The following VAV2 variants were observed in gnomAD, a reference collection of about 807,000 sequenced individuals.
VAV2 encodes the protein guanine nucleotide exchange factor VAV2.
A neutral mutation model predicts 132.5 loss-of-function variants in VAV2; 67 were observed. The ratio of observed to expected loss-of-function variants is 0.51; its 90% CI spans 0.42 to 0.62. VAV2 has a LOEUF of 0.62. Among genes scored for constraint, VAV2 ranks in the 20% least tolerant of loss-of-function variants. The probability of loss-of-function intolerance (pLI) is 0.00; values close to 1 mark genes in which losing one functional copy is unlikely to be tolerated. For synonymous variants in VAV2, 492 were observed against 443.5 expected (o/e 1.11, Z -1.37); for missense variants, 938 against 1,153.6 (o/e 0.81, Z 2.71).
chr9:133,784,517 G>C, intron 17 of VAV2, 99 bp from the exon 18 acceptor site: 2 of 1,333,948 alleles, frequency 1.5e-6, no homozygotes, highest in Non-Finnish European at 1.1e-6. Context: ...GACCCAGGCT[G>C]TGCAGAATCC....
In VAV2 at chr9:133,788,233, C is replaced by A; in HGVS notation, c.1407+121G>T. The A allele has an allele frequency of 1.5e-4, 80 of 538,000 alleles. No homozygotes were observed. Among genetic ancestry groups the A allele is most frequent in the Non-Finnish European group, 2.0e-4 (63 of 309,790 alleles). 33.3% of individuals were successfully genotyped at this position (538,000 alleles called of 1,614,324 possible). On this transcript the variant is annotated intron_variant, in intron 15 of 29. Coordinates refer to ENST00000371850, the MANE Select transcript of VAV2 (RefSeq NM_001134398.2). The surrounding 1 kb of genome is among the most constrained non-coding windows in gnomAD (Gnocchi z 5.3). ...TGCAGAGCGGAGACGCCCACCCCAA[C>A]CCACCCGGCCAGCATCAGCGGCTGA...
chr9:133,871,534 G>C (rs560508840), intron 2 of VAV2, among the ~76,000 whole-genome samples: 1 of 151,766 alleles, frequency 6.6e-6, no homozygotes, highest in Non-Finnish European at 1.5e-5. Flanking sequence ...GATGGATGCC[G>C]ACTCAGAGAG....
At chr9:133,807,139 G>T in intron 8 of VAV2, 119 bp downstream of exon 8, 1 of 1,197,174 alleles carries the variant, frequency 8.4e-7, no homozygotes, top group Non-Finnish European at 1.1e-6. Flanking sequence ...GCCAGCACGA[G>T]CCACCACGGA....
At position 133,837,889 on chromosome 9, in the gene VAV2, G is replaced by A. The variant is rs563312420; in HGVS notation, c.381-3549C>T. ...AGTCCAAAGAATTATACTGCTGCCC[G>A]TAAAATCTTTACTACTTTTATTCTA... is the stretch of plus-strand genomic sequence containing the variant. On this transcript the variant is annotated intron_variant, in intron 3 of 29. Coordinates refer to ENST00000371850, the MANE Select transcript of VAV2 (RefSeq NM_001134398.2). Among the ~76,000 whole-genome samples, 11 of 152,078 alleles carry A rather than the reference G, an allele frequency of 7.2e-5. 1 individual carries two copies. Among genetic ancestry groups the A allele is most frequent in the Middle Eastern group, 6.8e-3 (2 of 294 alleles).
At chr9:133,783,337 G>T (rs139424900) in intron 19 of VAV2, among the ~76,000 whole-genome samples, 166 bp downstream of exon 19, 1 of 152,132 alleles carries the variant, frequency 6.6e-6, no homozygotes, top group African/African-American at 2.4e-5. Flanking sequence ...AGTGTGTGAC[G>T]TGCGGCAGGC....
intron 10 of VAV2, 46 bp from the exon 11 acceptor site, chr9:133,796,570 C>T: frequency 6.4e-7 from 1 of 1,564,050 alleles, no homozygotes; most frequent in Non-Finnish European, 8.7e-7. Context: ...CGAGGAAAGC[C>T]TGAACCCACC....
rs577458545 is a variant in VAV2 at position 133,884,441 on chromosome 9, C to T, written c.322-23009G>A. Among the ~76,000 whole-genome samples the T allele has an allele frequency of 1.7e-4, 26 of 152,264 alleles. No homozygotes were observed. Among genetic ancestry groups the T allele is most frequent in the African/African-American group, 6.0e-4 (25 of 41,552 alleles). On this transcript the variant is annotated intron_variant, in intron 2 of 29. Coordinates refer to ENST00000371850, the MANE Select transcript of VAV2 (RefSeq NM_001134398.2). This position sits in a 1 kb window ranked among gnomAD's most constrained non-coding sequence, Gnocchi z 5.3. ...GCTGCCCTTCTCAACGCCCGCCACA[C>T]TTTGTCAATTAATTAGGGAGGGGGG...
chr9:133,839,560 C>G (rs1307663220), intron 3 of VAV2, among the ~76,000 whole-genome samples: 2 of 151,938 alleles, frequency 1.3e-5, no homozygotes, highest in Non-Finnish European at 2.9e-5. Context: ...AAGTGATTCC[C>G]CTGTCTCAGC....
chr9:133,942,440 G>A (rs1841199616), intron 1 of VAV2, among the ~76,000 whole-genome samples: 1 of 152,288 alleles, frequency 6.6e-6, no homozygotes, highest in African/African-American at 2.4e-5. Context: ...CACGGTCGAT[G>A]GTGCTTGGTT....
intron 23 of VAV2, among the ~76,000 whole-genome samples, chr9:133,776,757 C>T (rs535861481): frequency 2.6e-5 from 4 of 152,080 alleles, no homozygotes; most frequent in East Asian, 1.9e-4. Context: ...CACAGGCGGA[C>T]GGGACTGGGG....
Position 133,936,779 on chromosome 9 carries a change from C to T in VAV2, c.321+2324G>A, listed in dbSNP as rs906169247. On this transcript the variant is annotated intron_variant, in intron 2 of 29. Transcript: ENST00000371850. Reference sequence around the variant, plus strand: ...CACACCATGACTCATGGTCCAAACCCGCCGTCTACTCCCAGCTCCCCATGA... The same window carrying T: ...CACACCATGACTCATGGTCCAAACCTGCCGTCTACTCCCAGCTCCCCATGA... Among the ~76,000 whole-genome samples, 30 of 152,258 alleles carry T rather than the reference C, an allele frequency of 2.0e-4. 2 individuals are homozygous for T. The East Asian group carries it at 5.8e-3, about 29-fold the overall frequency.
intron 2 of VAV2, among the ~76,000 whole-genome samples, chr9:133,893,557 T>C (rs539208622): frequency 6.6e-5 from 10 of 152,280 alleles, no homozygotes; most frequent in Admixed American, 3.3e-4. Flanking sequence ...GGAGCCAAGA[T>C]GGCCGACACC....
Position 133,826,140 on chromosome 9 carries a change from T to C in VAV2, c.449+8132A>G, listed in dbSNP as rs576353878. ...AAAATTGTGGATTCCTCAAGCTCAG[T>C]GGGATTCACAGACCATCTGGGCAGA... On this transcript the variant is annotated intron_variant, in intron 4 of 29. Transcript: ENST00000371850. The surrounding 1 kb of genome is among the most constrained non-coding windows in gnomAD (Gnocchi z 4.2). Among the ~76,000 whole-genome samples, 1 of 152,284 alleles carries C rather than the reference T, an allele frequency of 6.6e-6. No homozygotes were observed. Among genetic ancestry groups the C allele is most frequent in the South Asian group, 2.1e-4 (1 of 4,826 alleles).
chr9:133,935,962 A>G lies in VAV2; in HGVS notation c.321+3141T>C, dbSNP rs1207717282. Reference sequence around the variant, plus strand: ...ACGCGGGCTCCAGGAGGCAAAGGGCATGGCTCAGATGCGGAGACCAGAAGC... The same window carrying G: ...ACGCGGGCTCCAGGAGGCAAAGGGCGTGGCTCAGATGCGGAGACCAGAAGC... On this transcript the variant is annotated intron_variant, in intron 2 of 29. Coordinates refer to ENST00000371850, the MANE Select transcript of VAV2 (RefSeq NM_001134398.2). The surrounding 1 kb of genome is among the most constrained non-coding windows in gnomAD (Gnocchi z 5.2). Among the ~76,000 whole-genome samples, 1 of 152,218 alleles carries G rather than the reference A, an allele frequency of 6.6e-6. No homozygotes were observed. Among genetic ancestry groups the G allele is most frequent in the African/African-American group, 2.4e-5 (1 of 41,468 alleles).
intron 3 of VAV2, among the ~76,000 whole-genome samples, chr9:133,853,032 T>G (rs1201574395): frequency 6.6e-6 from 1 of 152,126 alleles, no homozygotes; most frequent in East Asian, 1.9e-4. Context: ...GTCACCCTAT[T>G]CACAGACGAC....
In VAV2 at chr9:133,878,494, G is replaced by A. The variant is rs139675054; in HGVS notation, c.322-17062C>T. Among the ~76,000 whole-genome samples, 13 of 152,276 alleles carry A rather than the reference G, an allele frequency of 8.5e-5. No homozygotes were observed. In the South Asian group the frequency reaches 1.4e-3, roughly 17 times the overall value. On this transcript the variant is annotated intron_variant, in intron 2 of 29. Transcript: ENST00000371850. ...CTGTGAGATGGGGGCAGCGGCACCCGCAAGAGTAAGGGAGACAACACACTG... is the reference window on the plus strand; with the variant it reads ...CTGTGAGATGGGGGCAGCGGCACCCACAAGAGTAAGGGAGACAACACACTG...
At chr9:133,976,328 C>T (rs1842509668) in intron 1 of VAV2, among the ~76,000 whole-genome samples, 1 of 152,214 alleles carries the variant, frequency 6.6e-6, no homozygotes, top group South Asian at 2.1e-4. Flanking sequence ...CAGTGAGATC[C>T]TGAGTGGACT....
At chr9:133,838,672 C>T (rs1169665608) in intron 3 of VAV2, among the ~76,000 whole-genome samples, 1 of 81,660 alleles carries the variant, frequency 1.2e-5, no homozygotes, top group Non-Finnish European at 2.3e-5. Flanking sequence ...GATGGAAGGA[C>T]GAATGGATGG....
chr9:133,874,521 C>A lies in VAV2; in HGVS notation c.322-13089G>T, dbSNP rs188465178. ...ACCATGACACAGATCTGCTGCCTAG[C>A]GCGTGAGTCACTGCCTCCAAGGTAC... On this transcript the variant is annotated intron_variant, in intron 2 of 29. Coordinates refer to ENST00000371850, the MANE Select transcript of VAV2 (RefSeq NM_001134398.2). 7.4e-4 allele frequency among the ~76,000 whole-genome samples: 112 copies of A among 152,284 alleles called. 1 individual carries two copies. The highest frequency in any genetic ancestry group is 1.3e-3 in the Non-Finnish European group (86 of 68,022).
Sources: gnomAD v4.1 joint callset for allele counts (sites outside exome capture counted in the v4.1 genomes callset) on GRCh38, gnomAD v4.1.1 for gene constraint, Gnocchi (gnomAD v3.1) non-coding constraint, MANE v1.5 for transcripts, NCBI Gene and HGNC (gene_info 2026-07-23, HGNC 2026-07-21) for gene names.